The following GPR176 variants were observed in gnomAD, a reference collection of about 807,000 sequenced individuals.
The protein encoded by GPR176 is G protein-coupled receptor 176, also known as G-protein coupled receptor 176.
Under a neutral mutation model 35.4 loss-of-function variants are expected in GPR176, and 26 were observed. The ratio of observed to expected loss-of-function variants is 0.74; its 90% CI spans 0.54 to 1.02. The LOEUF (loss-of-function observed/expected upper bound fraction) is 1.02, where lower values mean the gene tolerates loss of function less well. Ranked by LOEUF, GPR176 falls within the 50% of genes least tolerant of loss-of-function variation. GPR176 has a pLI of 0.00. For missense variants in GPR176, 597 were observed against 665.3 expected (o/e 0.90, Z 1.13); for synonymous variants, 278 against 271.3 (o/e 1.02, Z -0.24).
intron 1 of GPR176, among the ~76,000 whole-genome samples, chr15:39,901,947 G>C (rs2033291456): frequency 6.6e-6 from 1 of 151,932 alleles, no homozygotes; most frequent in Non-Finnish European, 1.5e-5. Flanking sequence ...AGCCAGACGT[G>C]GTGGTGCATG....
At chr15:39,879,305 G>A (rs545313206) in intron 1 of GPR176, among the ~76,000 whole-genome samples, 1 of 152,198 alleles carries the variant, frequency 6.6e-6, no homozygotes, top group Admixed American at 6.5e-5. Context: ...TGCTGCTTGG[G>A]AGCCCACTTA....
At chr15:39,827,436 C>A (rs2096151923) in intron 1 of GPR176, among the ~76,000 whole-genome samples, 1 of 152,096 alleles carries the variant, frequency 6.6e-6, no homozygotes, top group African/African-American at 2.4e-5. Flanking sequence ...AGTGTGGAGT[C>A]TTTTGAAAGA....
intron 1 of GPR176, among the ~76,000 whole-genome samples, chr15:39,855,628 T>C (rs1004997243): frequency 2.0e-5 from 3 of 152,188 alleles, no homozygotes; most frequent in Non-Finnish European, 4.4e-5. Context: ...ACTAGAATAG[T>C]GTGGCTGGGG....
intron 1 of GPR176, among the ~76,000 whole-genome samples, chr15:39,862,695 G>A (rs938914417): frequency 1.3e-5 from 2 of 152,208 alleles, no homozygotes; most frequent in Non-Finnish European, 2.9e-5. Context: ...GGTGATGCTG[G>A]TGTGAACAAA....
chr15:39,812,556 T>G (rs539825516), intron 1 of GPR176, among the ~76,000 whole-genome samples: 1 of 152,274 alleles, frequency 6.6e-6, no homozygotes, highest in East Asian at 1.9e-4. Flanking sequence ...TTTTGAGGTT[T>G]TGGGACTTGA....
intron 1 of GPR176, among the ~76,000 whole-genome samples, chr15:39,825,982 C>T (rs886653097): frequency 6.6e-6 from 1 of 152,194 alleles, no homozygotes; most frequent in Non-Finnish European, 1.5e-5. Flanking sequence ...AGCAACAGGT[C>T]TAAGTGAGTC....
At chr15:39,879,984 G>C (rs977457248) in intron 1 of GPR176, among the ~76,000 whole-genome samples, 7 of 152,180 alleles carry the variant, frequency 4.6e-5, no homozygotes, top group Admixed American at 1.3e-4. Flanking sequence ...AAAGTCCTAT[G>C]TGGGTGACAA....
At chr15:39,820,707 T>C (rs1050288579) in intron 1 of GPR176, among the ~76,000 whole-genome samples, 4 of 152,186 alleles carry the variant, frequency 2.6e-5, no homozygotes, top group Admixed American at 2.0e-4. Context: ...TTGTCTGTAA[T>C]GAAGTGCATG....
chr15:39,888,655 A>T (rs2032756318), intron 1 of GPR176, among the ~76,000 whole-genome samples: 1 of 152,236 alleles, frequency 6.6e-6, no homozygotes, highest in East Asian at 1.9e-4. Flanking sequence ...TCAGAAAGGT[A>T]AAGAGAACAT....
At chr15:39,897,524 G>C (rs534107740) in intron 1 of GPR176, among the ~76,000 whole-genome samples, 6 of 151,120 alleles carry the variant, frequency 4.0e-5, no homozygotes, top group Non-Finnish European at 8.8e-5. Flanking sequence ...TCTGCTATCT[G>C]CAAGTGCCAT....
intron 1 of GPR176, among the ~76,000 whole-genome samples, chr15:39,885,732 G>A (rs894448589): frequency 6.6e-6 from 1 of 152,108 alleles, no homozygotes; most frequent in Non-Finnish European, 1.5e-5. Context: ...GAAAATAATA[G>A]ATTGCTGATT....
intron 1 of GPR176, among the ~76,000 whole-genome samples, chr15:39,819,791 C>T (rs770776031): frequency 2.6e-5 from 4 of 152,034 alleles, no homozygotes; most frequent in Non-Finnish European, 4.4e-5. Context: ...CCCAAGGGTA[C>T]GATAATTAGA....
chr15:39,863,035 G>A (rs1167372758), intron 1 of GPR176, among the ~76,000 whole-genome samples: 1 of 151,298 alleles, frequency 6.6e-6, no homozygotes, highest in East Asian at 1.9e-4. Context: ...CCTAACTAAT[G>A]TGTGTGTTTA....
At chr15:39,895,291 GA>G (rs1387554215) in intron 1 of GPR176, among the ~76,000 whole-genome samples, 1 of 138,176 alleles carries the variant, frequency 7.2e-6, no homozygotes, top group African/African-American at 2.7e-5. Flanking sequence ...GGGAGAGGAA[GA>G]GGGGGAGGGG....
intron 1 of GPR176, among the ~76,000 whole-genome samples, chr15:39,905,779 T>C (rs1351090513): frequency 6.6e-6 from 1 of 151,998 alleles, no homozygotes; most frequent in Non-Finnish European, 1.5e-5. Flanking sequence ...ATGTAGAACA[T>C]GTTAGTGGTT....
At chr15:39,903,512 C>T (rs2033337688) in intron 1 of GPR176, among the ~76,000 whole-genome samples, 1 of 151,820 alleles carries the variant, frequency 6.6e-6, no homozygotes, top group African/African-American at 2.4e-5. Context: ...GAAAGAAAAA[C>T]AGTCCTAAAA....
chr15:39,905,141 C>A (rs1194468206), intron 1 of GPR176, among the ~76,000 whole-genome samples: 1 of 152,196 alleles, frequency 6.6e-6, no homozygotes, highest in Non-Finnish European at 1.5e-5. Flanking sequence ...TCAGGCTTCT[C>A]CCAGGCACCA....
At chr15:39,802,493 C>T (rs1248973428) in intron 2 of GPR176, among the ~76,000 whole-genome samples, 6 of 152,196 alleles carry the variant, frequency 3.9e-5, no homozygotes, top group African/African-American at 1.4e-4. Flanking sequence ...CAAACCTGTC[C>T]TCATGAGGCT....
intron 1 of GPR176, among the ~76,000 whole-genome samples, chr15:39,816,506 T>TA: frequency 1.3e-5 from 2 of 152,246 alleles, no homozygotes; most frequent in East Asian, 1.9e-4. Flanking sequence ...CAATATGAAT[T>TA]AAAAACCACA....
Sources: allele counts gnomAD v4.1 joint callset (sites outside exome capture counted in the v4.1 genomes callset), GRCh38; gene constraint gnomAD v4.1.1; transcripts MANE v1.5; gene names NCBI Gene and HGNC (gene_info 2026-07-23, HGNC 2026-07-21).